CNTNAP4: variants seen among roughly 807,000 people sequenced by gnomAD.
CNTNAP4 encodes the protein contactin-associated protein-like 4.
CNTNAP4 carries 98 observed loss-of-function variants against 148.4 expected under a neutral mutation model. The ratio of observed to expected loss-of-function variants is 0.66; its 90% CI spans 0.56 to 0.78. CNTNAP4 has a LOEUF of 0.78. Among genes scored for constraint, CNTNAP4 ranks in the 30% least tolerant of loss-of-function variants. The pLI is 0.00. For synonymous variants in CNTNAP4, 730 were observed against 565.1 expected, an observed-to-expected ratio of 1.29 and a Z score of -4.14; for missense variants, 1,935 against 1,565.6, an observed-to-expected ratio of 1.24 and a Z score of -3.98.
At chr16:76,549,704 A>G (rs184391943) in intron 21 of CNTNAP4, among the ~76,000 whole-genome samples, 1 of 152,300 alleles carries the variant, frequency 6.6e-6, no homozygotes, top group African/African-American at 2.4e-5. Context: ...ACAGGAAAGA[A>G]TGATCTTTTT....
chr16:76,418,491 C>G (rs1333838845), intron 3 of CNTNAP4, among the ~76,000 whole-genome samples: 2 of 151,370 alleles, frequency 1.3e-5, no homozygotes, highest in African/African-American at 4.8e-5. Context: ...TTGGGCCCAT[C>G]AAAGGCATTC....
At chr16:76,478,343 G>A (rs1325618547) in intron 11 of CNTNAP4, among the ~76,000 whole-genome samples, 1 of 152,120 alleles carries the variant, frequency 6.6e-6, no homozygotes. Context: ...TGCACAAAAT[G>A]CAAATGTGAC....
chr16:76,414,751 G>A (rs904565887), intron 3 of CNTNAP4, among the ~76,000 whole-genome samples: 3 of 151,232 alleles, frequency 2.0e-5, no homozygotes, highest in Non-Finnish European at 3.0e-5. Flanking sequence ...GGTAAGTGGC[G>A]ATTGGTTTGG....
At chr16:76,482,344 C>A (rs2081864979) in intron 12 of CNTNAP4, among the ~76,000 whole-genome samples, 1 of 151,648 alleles carries the variant, frequency 6.6e-6, no homozygotes, top group Admixed American at 6.6e-5. Flanking sequence ...CAGTTTTTGC[C>A]CTGAGTAATT....
At chr16:76,377,177 A>G (rs2015506482) in intron 3 of CNTNAP4, among the ~76,000 whole-genome samples, 1 of 152,066 alleles carries the variant, frequency 6.6e-6, no homozygotes, top group Non-Finnish European at 1.5e-5. Context: ...GAGACCTTCA[A>G]CTGATTAGAT....
intron 2 of CNTNAP4, among the ~76,000 whole-genome samples, chr16:76,323,815 G>T (rs56332238): frequency 6.6e-6 from 1 of 152,104 alleles, no homozygotes; most frequent in Non-Finnish European, 1.5e-5. Context: ...GGTGTCATCC[G>T]TGGGAATGCG....
intron 13 of CNTNAP4, among the ~76,000 whole-genome samples, chr16:76,491,928 T>C (rs1485019966): frequency 6.6e-6 from 1 of 152,142 alleles, no homozygotes; most frequent in Non-Finnish European, 1.5e-5. Flanking sequence ...ATCTTGGCTA[T>C]TGTGAATAAA....
chr16:76,485,483 T>G (rs879401189), intron 12 of CNTNAP4, among the ~76,000 whole-genome samples: 2 of 152,230 alleles, frequency 1.3e-5, no homozygotes, highest in African/African-American at 2.4e-5. Flanking sequence ...AATATTGCAC[T>G]GTAAGGATGA....
chr16:76,309,792 T>G (rs1270116715), intron 1 of CNTNAP4: 12 of 697,176 alleles, frequency 1.7e-5, no homozygotes, highest in Non-Finnish European at 2.9e-5. Context: ...ATTCTCGTGA[T>G]AGTGAGTAAG....
chr16:76,431,843 G>A (rs1157066521), intron 4 of CNTNAP4, among the ~76,000 whole-genome samples: 2 of 151,928 alleles, frequency 1.3e-5, no homozygotes, highest in Admixed American at 1.3e-4. Context: ...GTCTGGAAGG[G>A]GCTGTCATTT....
intron 3 of CNTNAP4, among the ~76,000 whole-genome samples, chr16:76,399,559 A>G (rs531271466): frequency 6.6e-6 from 1 of 152,214 alleles, no homozygotes; most frequent in Non-Finnish European, 1.5e-5. Context: ...GATCAAGAAT[A>G]CCTACACAGT....
intron 8 of CNTNAP4, among the ~76,000 whole-genome samples, chr16:76,454,102 T>A (rs917372441): frequency 6.9e-6 from 1 of 145,556 alleles, no homozygotes; most frequent in African/African-American, 2.5e-5. Flanking sequence ...GAAGTCAGCC[T>A]ATTTCTTTCT....
At chr16:76,415,998 T>G (rs1375357412) in intron 3 of CNTNAP4, among the ~76,000 whole-genome samples, 1 of 151,102 alleles carries the variant, frequency 6.6e-6, no homozygotes, top group Non-Finnish European at 1.5e-5. Context: ...TTCTTAATTT[T>G]TGGCTTTAAT....
At chr16:76,464,720 G>A (rs886643278) in intron 9 of CNTNAP4, among the ~76,000 whole-genome samples, 1 of 152,138 alleles carries the variant, frequency 6.6e-6, no homozygotes, top group Admixed American at 6.5e-5. Context: ...CTGTCATATT[G>A]GGAGAGTGGG....
chr16:76,380,333 G>A (rs2015841042), intron 3 of CNTNAP4, among the ~76,000 whole-genome samples: 1 of 152,168 alleles, frequency 6.6e-6, no homozygotes, highest in African/African-American at 2.4e-5. Flanking sequence ...GGATTTGTAT[G>A]TGCTGGTAAA....
intron 23 of CNTNAP4, among the ~76,000 whole-genome samples, chr16:76,554,662 C>A (rs1342695485): frequency 6.6e-6 from 1 of 151,856 alleles, no homozygotes; most frequent in African/African-American, 2.4e-5. Context: ...TTTCTTTACA[C>A]TCTGAATATG....
chr16:76,425,461 CAATA>C (rs2079353759), intron 3 of CNTNAP4, among the ~76,000 whole-genome samples: 1 of 152,142 alleles, frequency 6.6e-6, no homozygotes, highest in Non-Finnish European at 1.5e-5. Flanking sequence ...GGATGGAACA[CAATA>C]AACCTCCCTG....
intron 15 of CNTNAP4, among the ~76,000 whole-genome samples, chr16:76,499,987 C>T (rs1403834323): frequency 6.6e-6 from 1 of 152,144 alleles, no homozygotes; most frequent in African/African-American, 2.4e-5. Context: ...ACAATCTGAT[C>T]TCTCTTTCTT....
Position 76,479,434 on chromosome 16 carries a change from C to G in CNTNAP4, c.1778C>G (p.Ser593Ter). Residue 593 changes from serine to a stop codon, truncating the protein, a stop_gained, in exon 12 of 24, where the codon TCA becomes TGA. Coordinates refer to ENST00000611870, the MANE Select transcript of CNTNAP4 (RefSeq NM_033401.5). LOFTEE classifies it high-confidence loss of function. ...ATCHNSIYEQ[S>*]CEAYKHRGNT... Reference sequence around the variant, plus strand: ...TTTCTTAAAGCTATCTATGAGCAGTCATGTGAAGCCTATAAGCACAGAGGA... The same window carrying G: ...TTTCTTAAAGCTATCTATGAGCAGTGATGTGAAGCCTATAAGCACAGAGGA... 5.0e-6 allele frequency: 8 copies of G among 1,602,210 alleles called. No individual in the cohort carries two copies. The highest frequency in any genetic ancestry group is 6.8e-6 in the Non-Finnish European group (8 of 1,174,850).
Sources: allele counts gnomAD v4.1 joint callset (sites outside exome capture counted in the v4.1 genomes callset), GRCh38; gene constraint gnomAD v4.1.1; transcripts MANE v1.5; gene names NCBI Gene and HGNC (gene_info 2026-07-23, HGNC 2026-07-21).